The following SH3BGRL variants were observed in gnomAD, a reference collection of about 807,000 sequenced individuals.
The protein encoded by SH3BGRL is adapter SH3BGRL.
SH3BGRL carries 7 observed loss-of-function variants against 9.8 expected under a neutral mutation model. The ratio of observed to expected loss-of-function variants is 0.72; its 90% confidence interval spans 0.41 to 1.35. SH3BGRL has a LOEUF of 1.35. SH3BGRL is among the 40% of genes most tolerant of loss of function. The probability of loss-of-function intolerance (pLI) is 0.01; values close to 1 mark genes in which losing one functional copy is unlikely to be tolerated. For missense variants in SH3BGRL, 73 were observed against 84.4 expected, an observed-to-expected ratio of 0.86 and a Z score of 0.53; for synonymous variants, 36 against 29.1, an observed-to-expected ratio of 1.24 and a Z score of -0.76.
chrX:81,205,425 GAAT>G (rs1231614492), intron 1 of SH3BGRL, among the ~76,000 whole-genome samples: 1 of 106,696 alleles, frequency 9.4e-6, no homozygotes, highest in Non-Finnish European at 1.9e-5. Flanking sequence ...TTTTATGGCT[GAAT>G]AATATTTTAT....
chrX:81,210,830 G>A (rs1030900360), intron 1 of SH3BGRL, among the ~76,000 whole-genome samples: 5 of 112,066 alleles, frequency 4.5e-5, no homozygotes, highest in Non-Finnish European at 7.5e-5. Flanking sequence ...ATAGCAATAC[G>A]TGGTCTATAG....
chrX:81,274,626 G>A (rs2075792417), intron 1 of SH3BGRL, among the ~76,000 whole-genome samples: 1 of 109,557 alleles, frequency 9.1e-6, no homozygotes, highest in Admixed American at 9.8e-5. Flanking sequence ...TTATATATTA[G>A]AAATCTCCAC....
At chrX:81,235,675 T>C (rs1203498055) in intron 1 of SH3BGRL, among the ~76,000 whole-genome samples, 1 of 111,455 alleles carries the variant, frequency 9.0e-6, no homozygotes, top group Admixed American at 9.5e-5. Flanking sequence ...CAAAATAAGG[T>C]TGAAATTAGT....
At chrX:81,216,847 C>T (rs976425223) in intron 1 of SH3BGRL, among the ~76,000 whole-genome samples, 2 of 111,528 alleles carry the variant, frequency 1.8e-5, no homozygotes, top group Non-Finnish European at 3.8e-5. Context: ...CATCTGTCAA[C>T]GGACACATAA....
At chrX:81,247,659 G>C (rs2075693527) in intron 1 of SH3BGRL, among the ~76,000 whole-genome samples, 1 of 111,244 alleles carries the variant, frequency 9.0e-6, no homozygotes, top group Non-Finnish European at 1.9e-5. Context: ...ATGAAGTCCT[G>C]CTTGATTGTG....
intron 3 of SH3BGRL, among the ~76,000 whole-genome samples, chrX:81,293,689 A>AATGTGGAAG (rs952569429): frequency 8.9e-6 from 1 of 112,011 alleles, no homozygotes; most frequent in Non-Finnish European, 1.9e-5. Flanking sequence ...TCTCAAAAAA[A>AATGTGGAAG]ATGTGGAAGT....
At chrX:81,237,253 C>T in intron 1 of SH3BGRL, 1 of 341,519 alleles carries the variant, frequency 2.9e-6, no homozygotes, top group Non-Finnish European at 5.6e-6. Flanking sequence ...TGCACACACA[C>T]AAAACCTTTG....
chrX:81,204,496 G>T (rs1022526679), intron 1 of SH3BGRL, among the ~76,000 whole-genome samples: 1 of 111,516 alleles, frequency 9.0e-6, no homozygotes, highest in African/African-American at 3.3e-5. Context: ...ACTTCAATAA[G>T]TGACTAAGTT....
At chrX:81,279,847 G>A (rs5912487) in intron 3 of SH3BGRL, among the ~76,000 whole-genome samples, 1,543 of 111,348 alleles carry the variant, frequency 0.014, 14 homozygotes, top group Non-Finnish European at 0.023. Context: ...GAACTCGGGG[G>A]AGGGTGCAAA....
intron 1 of SH3BGRL, among the ~76,000 whole-genome samples, chrX:81,267,636 G>A (rs921940440): frequency 3.6e-5 from 4 of 111,436 alleles, no homozygotes; most frequent in Non-Finnish European, 5.7e-5. Context: ...TTTTCACGTC[G>A]ATATTCATCA....
At chrX:81,260,354 T>C (rs758710556) in intron 1 of SH3BGRL, among the ~76,000 whole-genome samples, 1 of 111,434 alleles carries the variant, frequency 9.0e-6, no homozygotes, top group South Asian at 3.8e-4. Flanking sequence ...ATCTATGAAT[T>C]TGGAATGAAA....
chrX:81,274,371 G>A (rs762617887), intron 1 of SH3BGRL, among the ~76,000 whole-genome samples: 1 of 111,160 alleles, frequency 9.0e-6, no homozygotes. Context: ...CCAGCACTTT[G>A]GGAGGCCAAG....
At chrX:81,247,405 G>A (rs1461077645) in intron 1 of SH3BGRL, among the ~76,000 whole-genome samples, 4 of 111,521 alleles carry the variant, frequency 3.6e-5, no homozygotes, top group Non-Finnish European at 7.5e-5. Context: ...GAAATGCTTC[G>A]GGTTTTTGCC....
In SH3BGRL at chrX:81,261,281, A is replaced by G. The variant is rs189129183; in HGVS notation, c.46-15703A>G. Among the ~76,000 whole-genome samples the G allele has an allele frequency of 2.7e-5, 3 of 111,472 alleles. No individual in the cohort carries two copies. The East Asian group carries it at 8.5e-4, about 32-fold the overall frequency. ...TTCTAGTCTGTAAAATGGAGATAATAATATCTACCTTGCTGGGCTACTATA... is the reference window on the plus strand; with the variant it reads ...TTCTAGTCTGTAAAATGGAGATAATGATATCTACCTTGCTGGGCTACTATA... On this transcript the variant is annotated intron_variant, in intron 1 of 3. Transcript: ENST00000373212.
In SH3BGRL at chrX:81,249,757, A is replaced by C. The variant is rs147004311; in HGVS notation, c.46-27227A>C. Among the ~76,000 whole-genome samples, 271 of 112,134 alleles carry C rather than the reference A, an allele frequency of 2.4e-3. 1 individual carries two copies. Among genetic ancestry groups the C allele is most frequent in the African/African-American group, 8.3e-3 (257 of 30,864 alleles). The stretch of plus-strand genomic sequence containing the variant: ...TTGTGAAAAAGCTAAACTCTTATTC[A>C]ACAAAATGGTCGAAAGAAACCAGAA... On this transcript the variant is annotated intron_variant, in intron 1 of 3. Coordinates refer to ENST00000373212, the MANE Select transcript of SH3BGRL (RefSeq NM_003022.3).
chrX:81,225,102 C>G (rs1748283713), intron 1 of SH3BGRL, among the ~76,000 whole-genome samples: 1 of 110,789 alleles, frequency 9.0e-6, no homozygotes, highest in African/African-American at 3.3e-5. Context: ...TTCTTTCAAG[C>G]CTTTCAAGTC....
chrX:81,262,580 G>T (rs1195807323), intron 1 of SH3BGRL, among the ~76,000 whole-genome samples: 1 of 111,245 alleles, frequency 9.0e-6, no homozygotes, highest in Non-Finnish European at 1.9e-5. Flanking sequence ...ACACACCCTG[G>T]AAAGGAACAG....
Position 81,297,475 on chromosome X carries a change from T to TA in SH3BGRL, c.*249dup. On this transcript the variant is annotated 3_prime_UTR_variant, in exon 4 of 4. Transcript: ENST00000373212. Reference sequence around the variant, plus strand: ...GTAGATATCGTAGAAATAGTGTTGTTACCTGCCAAGCCATCCTGTATACAC... The same window carrying TA: ...GTAGATATCGTAGAAATAGTGTTGTTAACCTGCCAAGCCATCCTGTATACAC... 1 of 282,710 alleles carries TA rather than the reference T, an allele frequency of 3.5e-6. No individual in the cohort carries two copies. The highest frequency in any genetic ancestry group is 7.6e-5 in the South Asian group (1 of 13,199). The allele number at this position is 282,710 out of a possible 1,213,427, so 23.3% of individuals were successfully genotyped here.
intron 1 of SH3BGRL, among the ~76,000 whole-genome samples, chrX:81,203,281 TTG>T (rs1379184865): frequency 2.7e-5 from 3 of 111,674 alleles, no homozygotes; most frequent in African/African-American, 9.8e-5. Flanking sequence ...ATCCAGGTTG[TTG>T]TGTGTTTTTA....
Sources: gnomAD v4.1 joint callset for allele counts (sites outside exome capture counted in the v4.1 genomes callset) on GRCh38, gnomAD v4.1.1 for gene constraint, MANE v1.5 for transcripts, NCBI Gene and HGNC (gene_info 2026-07-23, HGNC 2026-07-21) for gene names.